Variants in MBD5 observed in about 807,000 individuals in gnomAD.
MBD5 encodes methyl-CpG-binding domain protein 5.
Under a neutral mutation model 117.3 loss-of-function variants are expected in MBD5, and 13 were observed. The ratio of observed to expected loss-of-function variants is 0.11; its 90% CI spans 0.07 to 0.18. The LOEUF (loss-of-function observed/expected upper bound fraction) is 0.18. Among genes scored for constraint, MBD5 ranks in the 10% least tolerant of loss-of-function variants. The pLI, the probability that MBD5 is intolerant of heterozygous loss-of-function variation, is 1.00. For synonymous variants in MBD5, 727 were observed against 766.4 expected, an observed-to-expected ratio of 0.95 and a Z score of 0.85; for missense variants, 1,879 against 2,093.8, an observed-to-expected ratio of 0.90 and a Z score of 2.00.
At chr2:148,508,499 T>G (rs1682114001) in intron 12 of MBD5, among the ~76,000 whole-genome samples, 1 of 151,894 alleles carries the variant, frequency 6.6e-6, no homozygotes, top group Non-Finnish European at 1.5e-5. Flanking sequence ...GGGACCAGGA[T>G]AGGTAACAGG....
chr2:148,254,426 G>A lies in MBD5; in HGVS notation c.-680+21031G>A, dbSNP rs1487760471. On this transcript the variant is annotated intron_variant, in intron 3 of 13. Transcript: ENST00000642680. ...ATTCAGAACCTGAGTGGTGTGCTGTGCAAGAACAGTAACTTGTACTTCTAC... is the reference window on the plus strand; with the variant it reads ...ATTCAGAACCTGAGTGGTGTGCTGTACAAGAACAGTAACTTGTACTTCTAC... Among the ~76,000 whole-genome samples, 3 of 152,152 alleles carry A rather than the reference G, an allele frequency of 2.0e-5. No homozygotes were observed. The East Asian group carries it at 5.8e-4, about 29-fold the overall frequency.
At chr2:148,438,587 C>G (rs1307252605) in intron 4 of MBD5, among the ~76,000 whole-genome samples, 1 of 151,922 alleles carries the variant, frequency 6.6e-6, no homozygotes, top group Non-Finnish European at 1.5e-5. Flanking sequence ...CAGAGTTTTC[C>G]AGAGAGAGAG....
rs191578347 is a variant in MBD5 at position 148,324,950 on chromosome 2, A to T, written c.-679-17264A>T. 3.3e-3 allele frequency among the ~76,000 whole-genome samples: 510 copies of T among 152,294 alleles called. 9 individuals are homozygous for T. The highest frequency in any genetic ancestry group is 0.031 in the Admixed American group (472 of 15,294). ...GAATGCTTCCAGTTTTTGCCCATTC[A>T]GTATGATATTGGCTGTGGGTTTGTC... On this transcript the variant is annotated intron_variant, in intron 3 of 13. Coordinates refer to ENST00000642680, the MANE Select transcript of MBD5 (RefSeq NM_001378120.1).
chr2:148,433,437 A>G (rs570345904), intron 4 of MBD5, among the ~76,000 whole-genome samples: 1 of 152,212 alleles, frequency 6.6e-6, no homozygotes, highest in African/African-American at 2.4e-5. Context: ...CTGGTTTTCA[A>G]GGGGATTCTC....
At chr2:148,037,880 A>G (rs958899822) in intron 1 of MBD5, among the ~76,000 whole-genome samples, 16 of 152,004 alleles carry the variant, frequency 1.1e-4, no homozygotes, top group African/African-American at 3.9e-4. Context: ...GAAGACCAAT[A>G]CTAAGGAAAT....
chr2:148,361,829 T>A (rs1703543531), intron 4 of MBD5, among the ~76,000 whole-genome samples: 1 of 152,088 alleles, frequency 6.6e-6, no homozygotes, highest in African/African-American at 2.4e-5. Context: ...CCAGCTCATC[T>A]CATTGGAACT....
intron 8 of MBD5, among the ~76,000 whole-genome samples, chr2:148,475,724 C>A (rs1239418139): frequency 6.6e-6 from 1 of 152,130 alleles, no homozygotes; most frequent in Non-Finnish European, 1.5e-5. Flanking sequence ...GTCCAAAAAA[C>A]ATTTACACAG....
At chr2:148,147,242 T>A (rs1400143177) in intron 1 of MBD5, among the ~76,000 whole-genome samples, 1 of 151,886 alleles carries the variant, frequency 6.6e-6, no homozygotes, top group Non-Finnish European at 1.5e-5. Context: ...TTTTATTTTA[T>A]TTATTTTATT....
chr2:148,305,579 T>A (rs1271736701), intron 3 of MBD5, among the ~76,000 whole-genome samples: 1 of 152,148 alleles, frequency 6.6e-6, no homozygotes, highest in East Asian at 1.9e-4. Flanking sequence ...TTTGAATGTG[T>A]TTAGCGATGA....
At chr2:148,477,445 T>C (rs562570137) in intron 8 of MBD5, among the ~76,000 whole-genome samples, 46 of 152,276 alleles carry the variant, frequency 3.0e-4, no homozygotes, top group African/African-American at 1.1e-3. Flanking sequence ...GCTAAAAGAA[T>C]GTTAATTTAT....
At chr2:148,319,525 G>A (rs1223161407) in intron 3 of MBD5, among the ~76,000 whole-genome samples, 2 of 152,026 alleles carry the variant, frequency 1.3e-5, no homozygotes, top group African/African-American at 4.8e-5. Flanking sequence ...ATTGTAAATG[G>A]GATTGCCTTC....
At chr2:148,391,822 T>C (rs1704579011) in intron 4 of MBD5, among the ~76,000 whole-genome samples, 1 of 152,192 alleles carries the variant, frequency 6.6e-6, no homozygotes, top group African/African-American at 2.4e-5. Context: ...TGAAAACAGA[T>C]AAGTTAATAT....
chr2:148,329,788 G>T (rs1355045181), intron 3 of MBD5, among the ~76,000 whole-genome samples: 4 of 152,062 alleles, frequency 2.6e-5, no homozygotes, highest in African/African-American at 9.7e-5. Context: ...AATGTGTCAA[G>T]ACTTTTAACA....
chr2:148,446,352 C>A (rs2105442857), intron 4 of MBD5, among the ~76,000 whole-genome samples: 1 of 151,954 alleles, frequency 6.6e-6, no homozygotes, highest in Non-Finnish European at 1.5e-5. Context: ...AGAAATCATT[C>A]CCTAGTTTTT....
intron 2 of MBD5, among the ~76,000 whole-genome samples, chr2:148,222,978 G>T (rs1437753242): frequency 6.6e-6 from 1 of 152,060 alleles, no homozygotes; most frequent in African/African-American, 2.4e-5. Flanking sequence ...ATTATAAAGG[G>T]ATGTTGAATT....
At chr2:148,391,004 T>G (rs1704556756) in intron 4 of MBD5, among the ~76,000 whole-genome samples, 1 of 152,218 alleles carries the variant, frequency 6.6e-6, no homozygotes, top group Admixed American at 6.5e-5. Flanking sequence ...TTAAAAGGTC[T>G]ATATAGGATA....
At chr2:148,021,988 A>T (rs1435100625) in intron 1 of MBD5, among the ~76,000 whole-genome samples, 1 of 152,152 alleles carries the variant, frequency 6.6e-6, no homozygotes, top group Non-Finnish European at 1.5e-5. Flanking sequence ...TCCTTCCTCC[A>T]ATGAGGCGCC....
At chr2:148,443,432 G>A (rs976741640) in intron 4 of MBD5, among the ~76,000 whole-genome samples, 1 of 151,242 alleles carries the variant, frequency 6.6e-6, no homozygotes, top group Non-Finnish European at 1.5e-5. Context: ...TCAGATATCT[G>A]CACTCTCATG....
rs746556309 is a variant in MBD5 at position 148,485,944 on chromosome 2, C to T, written c.3747C>T (p.Asn1249=). The part of the protein sequence containing the change: ...NNNPMACLFQ[N]FQVRMQEDAA... ...ACCCCATGGCTTGTCTGTTTCAGAA[C>T]TTTCAGGTACTCTCCTCTGCTGTGT... is the stretch of plus-strand genomic sequence containing the variant. The change falls in exon 10 of 14, where the codon AAC becomes AAT. Residue 1249 remains asparagine (N), a synonymous_variant. Transcript: ENST00000642680. 1.9e-6 allele frequency: 3 copies of T among 1,613,482 alleles called. No individual in the cohort carries two copies. Among genetic ancestry groups the T allele is most frequent in the Non-Finnish European group, 2.5e-6 (3 of 1,179,416 alleles).
Sources: gnomAD v4.1 joint callset for allele counts (sites outside exome capture counted in the v4.1 genomes callset) on GRCh38, gnomAD v4.1.1 for gene constraint, MANE v1.5 for transcripts, NCBI Gene and HGNC (gene_info 2026-07-23, HGNC 2026-07-21) for gene names.